HAT1: variants seen among roughly 807,000 people sequenced by gnomAD.
HAT1 encodes histone acetyltransferase 1.
In HAT1, 20 loss-of-function variants were observed where a neutral mutation model predicts 56.6. The ratio of observed to expected loss-of-function variants is 0.35; its 90% CI spans 0.25 to 0.51. The LOEUF (loss-of-function observed/expected upper bound fraction) is 0.51. HAT1 is among the 20% of genes least tolerant of loss of function. The pLI, the probability that HAT1 is intolerant of heterozygous loss-of-function variation, is 0.95. For missense variants in HAT1, 408 were observed against 504.3 expected (o/e 0.81, Z 1.83); for synonymous variants, 146 against 165.5 (o/e 0.88, Z 0.91).
At chr2:171,958,314 TTTTTCTCTC>T (rs755265165) in intron 4 of HAT1, among the ~76,000 whole-genome samples, 20 of 152,094 alleles carry the variant, frequency 1.3e-4, no homozygotes, top group Middle Eastern at 3.4e-3. Flanking sequence ...GGCTTACTGC[TTTTTCTCTC>T]TCTCTCCCGT....
intron 5 of HAT1, 45 bp from the exon 6 acceptor site, chr2:171,965,742 C>A (rs1395052275): frequency 6.3e-7 from 1 of 1,591,800 alleles, no homozygotes; most frequent in Non-Finnish European, 8.6e-7. Context: ...CTTTCACTTA[C>A]CTTTGTGATG....
At chr2:171,949,663 G>C (rs988819188) in intron 3 of HAT1, among the ~76,000 whole-genome samples, 3 of 148,446 alleles carry the variant, frequency 2.0e-5, no homozygotes, top group Non-Finnish European at 4.4e-5. Flanking sequence ...AACAGAGTGA[G>C]ACTCTGTCTC....
intron 4 of HAT1, among the ~76,000 whole-genome samples, chr2:171,960,707 G>T (rs1687551168): frequency 1.3e-5 from 2 of 151,998 alleles, no homozygotes; most frequent in African/African-American, 4.8e-5. Context: ...TTTTTCATCT[G>T]GTTGTCCTTG....
chr2:171,974,125 G>C lies in HAT1; in HGVS notation c.824-2032G>C, dbSNP rs192914934. Among the ~76,000 whole-genome samples, 457 of 123,966 alleles carry C rather than the reference G, an allele frequency of 3.7e-3. 7 individuals carry two copies. The highest frequency in any genetic ancestry group is 0.014 in the African/African-American group (430 of 31,818). The allele number at this position is 123,966 out of a possible 152,430, so 81.3% of individuals were successfully genotyped here. A position where few individuals can be genotyped will look rare whatever the true frequency, so the allele number is the denominator to read the frequency against. ...GCCCAGGAGGTTGAGGCTGCCGTGA[G>C]CCAAGATCGTACACTGCACTGCAGC... is the stretch of plus-strand genomic sequence containing the variant. On this transcript the variant is annotated intron_variant, in intron 8 of 10. Transcript: ENST00000264108.
At chr2:171,924,540 GA>G (rs1435282628) in intron 1 of HAT1, 1 of 152,046 alleles carries the variant, frequency 6.6e-6, no homozygotes, top group Admixed American at 6.6e-5. Context: ...TTGTTATCTT[GA>G]AAGTTTCTCT....
chr2:171,940,761 C>A (rs6740705), intron 2 of HAT1, among the ~76,000 whole-genome samples: 34,317 of 151,980 alleles, frequency 0.23, 4,880 homozygotes, highest in African/African-American at 0.38. Flanking sequence ...GTACTATACA[C>A]AGAGGGCTTG....
At chr2:171,939,519 C>G (rs990917082) in intron 2 of HAT1, among the ~76,000 whole-genome samples, 1 of 152,302 alleles carries the variant, frequency 6.6e-6, no homozygotes, top group Middle Eastern at 3.4e-3. Flanking sequence ...AAAGAAATCT[C>G]TGGAGCGGCT....
intron 10 of HAT1, among the ~76,000 whole-genome samples, chr2:171,981,445 A>T (rs944130035): frequency 4.6e-5 from 7 of 152,196 alleles, no homozygotes. Context: ...AGAAAATTTA[A>T]GTTTTATTTG....
intron 4 of HAT1, among the ~76,000 whole-genome samples, chr2:171,958,833 A>G (rs978154799): frequency 2.0e-5 from 3 of 152,196 alleles, no homozygotes; most frequent in South Asian, 2.1e-4. Flanking sequence ...TGCCAACCCT[A>G]TGCCCCATCT....
At chr2:171,977,557 A>ATTTTT (rs1172067451) in intron 9 of HAT1, among the ~76,000 whole-genome samples, 32 of 16,310 alleles carry the variant, frequency 2.0e-3, no homozygotes, top group African/African-American at 5.5e-3. Flanking sequence ...ATATATATAT[A>ATTTTT]TTTTTTTTTT....
In HAT1 at chr2:171,955,937, C is replaced by T. The variant is rs535967898; in HGVS notation, c.309+2936C>T. On this transcript the variant is annotated intron_variant, in intron 4 of 10. Transcript: ENST00000264108. ...GCGCATGCCTGTAATCCCAGCTACT[C>T]GGGAGGCTGAGGCAGGAGAATCACC... 3.9e-4 allele frequency among the ~76,000 whole-genome samples: 59 copies of T among 150,968 alleles called. 1 individual carries two copies. In the East Asian group the frequency reaches 0.011, roughly 28 times the overall value.
chr2:171,923,329 A>G (rs1686491601), intron 1 of HAT1: 1 of 152,184 alleles, frequency 6.6e-6, no homozygotes, highest in Non-Finnish European at 1.5e-5. Context: ...TGCAGCGATC[A>G]TAGTTCCGGG....
intron 8 of HAT1, among the ~76,000 whole-genome samples, chr2:171,973,711 TCTAA>T (rs1380124468): frequency 6.6e-6 from 1 of 152,152 alleles, no homozygotes; most frequent in Non-Finnish European, 1.5e-5. Flanking sequence ...GTAGGTCGAA[TCTAA>T]CTAACGCCTG....
chr2:171,940,302 CTTG>C (rs951913134), intron 2 of HAT1, among the ~76,000 whole-genome samples: 7 of 152,294 alleles, frequency 4.6e-5, no homozygotes, highest in African/African-American at 1.4e-4. Context: ...GCGTTGTTGC[CTTG>C]TTGTCAACAT....
At chr2:171,929,729 C>G (rs1389773429) in intron 2 of HAT1, among the ~76,000 whole-genome samples, 2 of 152,180 alleles carry the variant, frequency 1.3e-5, no homozygotes, top group African/African-American at 4.8e-5. Context: ...TGCCTTGGTG[C>G]GTTTTTAACA....
intron 4 of HAT1, among the ~76,000 whole-genome samples, chr2:171,958,335 A>ATTT (rs769755392): frequency 1.4e-5 from 2 of 145,338 alleles, no homozygotes; most frequent in Non-Finnish European, 3.0e-5. Context: ...CTCTCCCGTT[A>ATTT]TTTTTTTTTT....
At chr2:171,930,573 A>G (rs913266639) in intron 2 of HAT1, among the ~76,000 whole-genome samples, 2 of 152,178 alleles carry the variant, frequency 1.3e-5, no homozygotes, top group African/African-American at 2.4e-5. Context: ...ATTGTTTTGT[A>G]TTCTGCAACC....
chr2:171,976,252 C>A lies in HAT1; in HGVS notation c.919C>A (p.Gln307Lys). The A allele has an allele frequency of 6.3e-7, 1 of 1,593,680 alleles. No individual in the cohort carries two copies. Among genetic ancestry groups the A allele is most frequent in the Non-Finnish European group, 8.6e-7 (1 of 1,168,448 alleles). ...LPCFSREKLM[Q>K]GFNEDMVIEA... ...CTGTTTTTCCCGGGAAAAATTAATG[C>A]AAGGATTCAATGAAGATATGGTGAT... The change falls in exon 9 of 11, where the codon CAA becomes AAA. Residue 307 changes from glutamine (Q) to lysine (K), a missense_variant. Coordinates refer to ENST00000264108, the MANE Select transcript of HAT1 (RefSeq NM_003642.4).
At chr2:171,943,599 T>A (rs1275293890) in intron 2 of HAT1, among the ~76,000 whole-genome samples, 1 of 151,076 alleles carries the variant, frequency 6.6e-6, no homozygotes, top group Non-Finnish European at 1.5e-5. Flanking sequence ...ATTTAACACC[T>A]AGATTCAACA....
Sources: allele counts gnomAD v4.1 joint callset (sites outside exome capture counted in the v4.1 genomes callset), GRCh38; gene constraint gnomAD v4.1.1; transcripts MANE v1.5; gene names NCBI Gene and HGNC (gene_info 2026-07-23, HGNC 2026-07-21).